Variants in CSF1 observed in about 807,000 individuals in gnomAD.
CSF1 encodes macrophage colony-stimulating factor 1.
In CSF1, 9 loss-of-function variants were observed where a neutral mutation model predicts 48.9. The ratio of observed to expected loss-of-function variants is 0.18; its 90% CI spans 0.11 to 0.32. The LOEUF (loss-of-function observed/expected upper bound fraction) is 0.32, where lower values mean the gene tolerates loss of function less well. CSF1 is among the 10% of genes least tolerant of loss of function. The pLI, the probability that CSF1 is intolerant of heterozygous loss-of-function variation, is 1.00. For synonymous variants in CSF1, 305 were observed against 284.1 expected (o/e 1.07, Z -0.74); for missense variants, 672 against 697.9 (o/e 0.96, Z 0.42).
intron 4 of CSF1, 72 bp downstream of exon 4, chr1:109,917,535 G>T: frequency 6.8e-7 from 1 of 1,460,782 alleles, no homozygotes; most frequent in Non-Finnish European, 9.5e-7. Flanking sequence ...TCTATCCACA[G>T]GCACAGAGTA....
chr1:109,923,687 G>A lies in CSF1; in HGVS notation c.1066G>A (p.Gly356Ser). The A allele has an allele frequency of 6.2e-7, 1 of 1,613,668 alleles. No individual in the cohort carries two copies. The stretch of plus-strand genomic sequence containing the variant: ...TTCTCCACTCCCTGCATCAGCAAAG[G>A]GCCAACAGCCGGCAGATGTAACTGG... ...ASSPLPASAK[G>S]QQPADVTGTA... is the part of the protein sequence containing the mutation. Residue 356 changes from glycine to serine, a missense_variant, in exon 6 of 9, where the codon GGC (glycine) becomes AGC (serine). Physicochemically the swap from Gly to Ser is moderately conservative, Grantham distance 56. This residue lies in a region of CSF1 where 591 missense variants were observed against 593.6 expected (regional missense o/e 1.00). Coordinates refer to ENST00000329608, the MANE Select transcript of CSF1 (RefSeq NM_000757.6).
At chr1:109,914,567 T>A (rs1654819975) in intron 2 of CSF1, among the ~76,000 whole-genome samples, 186 bp downstream of exon 2, 2 of 152,240 alleles carry the variant, frequency 1.3e-5, no homozygotes, top group Non-Finnish European at 2.9e-5. Context: ...GGACCTCTGG[T>A]CTCCCCAGCT....
chr1:109,918,018 G>T (rs2101645944), intron 4 of CSF1, among the ~76,000 whole-genome samples: 1 of 152,354 alleles, frequency 6.6e-6, no homozygotes, highest in South Asian at 2.1e-4. Context: ...AAGTGGAGGA[G>T]TGAGCTGGGA....
At chr1:109,914,127 CTGTA>C in intron 1 of CSF1, 128 bp from the exon 2 acceptor site, 2 of 961,104 alleles carry the variant, frequency 2.1e-6, no homozygotes, top group Middle Eastern at 2.8e-4. Context: ...TTGAGGGATG[CTGTA>C]TCCTGAGGTA....
chr1:109,921,228 G>T (rs1463957243), intron 4 of CSF1, among the ~76,000 whole-genome samples: 1 of 152,166 alleles, frequency 6.6e-6, no homozygotes, highest in Non-Finnish European at 1.5e-5. Flanking sequence ...TCAAGACCTG[G>T]CCCTTGCTAA....
intron 7 of CSF1, 56 bp from the exon 8 acceptor site, chr1:109,925,091 C>T: frequency 6.6e-7 from 1 of 1,506,300 alleles, no homozygotes. Flanking sequence ...TTACGGAGTC[C>T]CCTTATTCCC....
chr1:109,925,076 T>A, intron 7 of CSF1, 71 bp from the exon 8 acceptor site: 1 of 1,405,786 alleles, frequency 7.1e-7, no homozygotes, highest in Non-Finnish European at 1.0e-6. Flanking sequence ...GGCTTAGGGG[T>A]AAACTTACGG....
chr1:109,924,849 T>C, intron 7 of CSF1, 21 bp downstream of exon 7: 1 of 1,602,904 alleles, frequency 6.2e-7, no homozygotes, highest in Non-Finnish European at 8.5e-7. Context: ...GAGGTGGGGC[T>C]CTGGGAGGCA....
chr1:109,926,852 T>C (rs1647863621), intron 8 of CSF1: 1 of 152,242 alleles, frequency 6.6e-6, no homozygotes, highest in South Asian at 2.1e-4. Context: ...TTCCACTTTT[T>C]TTTGTGTTTC....
chr1:109,911,363 A>T (rs973754819), intron 1 of CSF1, among the ~76,000 whole-genome samples: 1 of 152,176 alleles, frequency 6.6e-6, no homozygotes, highest in Admixed American at 6.5e-5. Flanking sequence ...CCGCTCAGCC[A>T]GGGTGCCCTG....
At chr1:109,910,759 G>T, upstream of CSF1, 2 of 223,574 alleles carry the variant, frequency 8.9e-6, no homozygotes, top group South Asian at 7.9e-5. Context: ...GTGTGTGTAT[G>T]TGTGTGTCTG....
chr1:109,916,631 C>T (rs1352142240), intron 3 of CSF1, among the ~76,000 whole-genome samples: 1 of 152,214 alleles, frequency 6.6e-6, no homozygotes, highest in Non-Finnish European at 1.5e-5. Flanking sequence ...GAAGTTGCCC[C>T]TGTTTCTGAG....
rs1343207490 is a variant in CSF1 at position 109,929,870 on chromosome 1, T to A, written c.*1032T>A. The stretch of plus-strand genomic sequence containing the variant: ...TGGGCCGCCAGCCAGAGCCGGTCTT[T>A]AGGCTGTGTTGTTCGCCCAGGTTTC... On this transcript the variant is annotated 3_prime_UTR_variant, in exon 9 of 9. Transcript: ENST00000329608. The A allele has an allele frequency of 6.6e-6, 1 of 152,526 alleles. No homozygotes were observed. Among genetic ancestry groups the A allele is most frequent in the African/African-American group, 2.4e-5 (1 of 41,444 alleles). The allele number at this position is 152,526 out of a possible 1,614,324, so 9.4% of individuals were successfully genotyped here. A position where few individuals can be genotyped will look rare whatever the true frequency, so the allele number is the denominator to read the frequency against.
Position 109,917,462 on chromosome 1 carries a change from A to G in CSF1, c.395A>G (p.Lys132Arg). 6.2e-7 allele frequency: 1 copy of G among 1,613,960 alleles called. No individual in the cohort carries two copies. The highest frequency in any genetic ancestry group is 1.1e-5 in the South Asian group (1 of 91,064). ...CFTKDYEEHDKACVRTFYETP... is the reference protein window; with the variant it reads ...CFTKDYEEHDRACVRTFYETP... Reference sequence around the variant, plus strand: ...ACCAAGGATTATGAAGAGCATGACAAGGTAGGAAGCCCTGAGGCCTGGAGC... The same window carrying G: ...ACCAAGGATTATGAAGAGCATGACAGGGTAGGAAGCCCTGAGGCCTGGAGC... The change falls in exon 4 of 9, where the codon AAG (lysine) becomes AGG (arginine). Residue 132 changes from lysine (K) to arginine (R), a missense_variant and splice_region_variant. Coordinates refer to ENST00000329608, the MANE Select transcript of CSF1 (RefSeq NM_000757.6).
At chr1:109,920,193 CA>C (rs34335024) in intron 4 of CSF1, among the ~76,000 whole-genome samples, 3,998 of 129,514 alleles carry the variant, frequency 0.031, 66 homozygotes, top group Non-Finnish European at 0.044. Flanking sequence ...GACTTCATCT[CA>C]AAAAAAAAAA....
chr1:109,917,149 G>A, intron 3 of CSF1, 144 bp from the exon 4 acceptor site: 1 of 767,754 alleles, frequency 1.3e-6, no homozygotes, highest in South Asian at 1.7e-5. Context: ...GCAAGCTGAG[G>A]GCGGCATTCT....
At chr1:109,925,771 C>T (rs764567852) in intron 8 of CSF1, among the ~76,000 whole-genome samples, 1 of 152,170 alleles carries the variant, frequency 6.6e-6, no homozygotes, top group African/African-American at 2.4e-5. Context: ...AAAGGGACTG[C>T]CCCTCTCCAT....
Position 109,914,308 on chromosome 1 carries a change from G to T in CSF1, c.89G>T (p.Ser30Ile). The T allele has an allele frequency of 1.2e-6, 2 of 1,608,110 alleles. No homozygotes were observed. The highest frequency in any genetic ancestry group is 1.1e-5 in the South Asian group (1 of 89,200). The change falls in exon 2 of 9, where the codon AGT (serine) becomes ATT (isoleucine). Residue 30 changes from serine to isoleucine, a missense_variant. Physicochemically the swap from Ser to Ile is moderately radical, Grantham distance 142. Coordinates refer to ENST00000329608, the MANE Select transcript of CSF1 (RefSeq NM_000757.6). ...LLLVCLLASR[S>I]ITEEVSEYCS... ...TTGGTCTGTCTCCTGGCGAGCAGGAGTATCACCGAGGAGGTGTCGGAGTAC... is the reference window on the plus strand; with the variant it reads ...TTGGTCTGTCTCCTGGCGAGCAGGATTATCACCGAGGAGGTGTCGGAGTAC...
chr1:109,923,385 G>C lies in CSF1; in HGVS notation c.764G>C (p.Arg255Thr). ...GGCAGTGCCAAGCAGCGGCCACCCA[G>C]GAGCACCTGCCAGAGCTTTGAGCCG... ...DPGSAKQRPPRSTCQSFEPPE... is the reference protein window; with the variant it reads ...DPGSAKQRPPTSTCQSFEPPE... Residue 255 changes from arginine (R) to threonine (T), a missense_variant, in exon 6 of 9, where the codon AGG becomes ACG. By Grantham distance (71) the Arg-to-Thr change is moderately conservative (BLOSUM62 -1). Around this residue, in one of 3 missense-constraint regions of CSF1, gnomAD observed 591 missense variants for 593.6 expected, o/e 1.00. Transcript: ENST00000329608. 2 of 1,613,604 alleles carry C rather than the reference G, an allele frequency of 1.2e-6. No homozygotes were observed. Among genetic ancestry groups the C allele is most frequent in the Non-Finnish European group, 1.7e-6 (2 of 1,179,836 alleles).
Sources: allele counts gnomAD v4.1 joint callset (sites outside exome capture counted in the v4.1 genomes callset), GRCh38; gene constraint gnomAD v4.1.1; regional missense constraint gnomAD v4.1.1; transcripts MANE v1.5; gene names NCBI Gene and HGNC (gene_info 2026-07-23, HGNC 2026-07-21).